The following SLC67A2 variants were observed in gnomAD, a reference collection of about 807,000 sequenced individuals.
The protein encoded by SLC67A2 is solute carrier family 67 member 2.
the SLC67A2 span, chr2:102,715,743 G>T: frequency 6.6e-6 from 1 of 152,030 alleles, no homozygotes; most frequent in East Asian, 1.9e-4. Context: ...AGATATTTTT[G>T]ACTTACAAAA....
At chr2:102,727,931 G>A in the SLC67A2 span, among the ~76,000 whole-genome samples, 1 of 152,158 alleles carries the variant, frequency 6.6e-6, no homozygotes, top group Non-Finnish European at 1.5e-5. Context: ...TGTACTATTT[G>A]CATTTTCTCT....
the SLC67A2 span, chr2:102,736,860 G>A: frequency 6.5e-7 from 1 of 1,545,034 alleles, no homozygotes; most frequent in Non-Finnish European, 8.7e-7. Flanking sequence ...GACCTACCCC[G>A]GGAGCCCAGC....
At chr2:102,734,320 G>C in the SLC67A2 span, among the ~76,000 whole-genome samples, 1 of 152,154 alleles carries the variant, frequency 6.6e-6, no homozygotes, top group African/African-American at 2.4e-5. Context: ...GAGGAAAAAA[G>C]TGGTTGAAAT....
At chr2:102,718,159 A>T in the SLC67A2 span, 4 of 451,966 alleles carry the variant, frequency 8.9e-6, no homozygotes, top group African/African-American at 8.0e-5. Context: ...TGGGAAGAAG[A>T]GACTTCCAGG....
At chr2:102,718,713 C>A in the SLC67A2 span, 4 of 1,613,922 alleles carry the variant, frequency 2.5e-6, no homozygotes, top group Non-Finnish European at 3.4e-6. Context: ...GAGGAGAGGA[C>A]AACTGCACCC....
At chr2:102,718,508 G>A in the SLC67A2 span, 1 of 1,614,020 alleles carries the variant, frequency 6.2e-7, no homozygotes, top group Non-Finnish European at 8.5e-7. Context: ...GGCTAACACA[G>A]CGCCCAGGCT....
chr2:102,723,603 T>C, the SLC67A2 span: 1 of 1,229,270 alleles, frequency 8.1e-7, no homozygotes, highest in East Asian at 2.5e-5. Context: ...TGAGTCTGTC[T>C]ATTCTGATAA....
the SLC67A2 span, among the ~76,000 whole-genome samples, chr2:102,714,843 G>A: frequency 6.6e-6 from 1 of 152,172 alleles, no homozygotes; most frequent in Non-Finnish European, 1.5e-5. Context: ...TCAGTCTCAT[G>A]GCTTTTATTA....
chr2:102,724,226 G>A, the SLC67A2 span, among the ~76,000 whole-genome samples: 1 of 152,014 alleles, frequency 6.6e-6, no homozygotes, highest in Admixed American at 6.6e-5. Context: ...GTGCCTCCCA[G>A]TTACGCTTGC....
the SLC67A2 span, chr2:102,732,258 C>T: frequency 3.0e-6 from 4 of 1,313,584 alleles, no homozygotes; most frequent in East Asian, 9.2e-5. Flanking sequence ...GAATTGTTTT[C>T]AGGTACTTGG....
At chr2:102,730,298 C>T in the SLC67A2 span, among the ~76,000 whole-genome samples, 1 of 152,182 alleles carries the variant, frequency 6.6e-6, no homozygotes, top group Non-Finnish European at 1.5e-5. Flanking sequence ...GATCCTCCAA[C>T]CTTAGCCTCC....
chr2:102,724,778 G>C, the SLC67A2 span, among the ~76,000 whole-genome samples: 1 of 152,230 alleles, frequency 6.6e-6, no homozygotes, highest in African/African-American at 2.4e-5. Flanking sequence ...CTGCCGCCGA[G>C]TGCTTCAACA....
chr2:102,726,759 T>G, the SLC67A2 span: 16 of 1,478,672 alleles, frequency 1.1e-5, no homozygotes, highest in Admixed American at 2.4e-5. Flanking sequence ...ACCACAGAGG[T>G]GGCCCAGGAG....
At chr2:102,728,435 C>A in the SLC67A2 span, among the ~76,000 whole-genome samples, 1 of 152,188 alleles carries the variant, frequency 6.6e-6, no homozygotes, top group East Asian at 1.9e-4. Context: ...CATGCCCTCT[C>A]CCCATTTTTA....
chr2:102,723,840 G>A, the SLC67A2 span: 12 of 1,614,150 alleles, frequency 7.4e-6, no homozygotes, highest in Middle Eastern at 1.6e-4. Flanking sequence ...GATTACAAGC[G>A]GCCGTTCCTT....
chr2:102,736,867 C>G, the SLC67A2 span: 1 of 1,505,814 alleles, frequency 6.6e-7, no homozygotes, highest in Non-Finnish European at 8.8e-7. Flanking sequence ...CCCGGGAGCC[C>G]AGCCCCGCCC....
the SLC67A2 span, among the ~76,000 whole-genome samples, chr2:102,735,110 T>C: frequency 7.9e-4 from 120 of 152,292 alleles, 1 homozygote; most frequent in East Asian, 0.017. Context: ...TTGTGAATTC[T>C]AGGTGCCTAG....
the SLC67A2 span, chr2:102,718,897 C>T: frequency 1.9e-6 from 3 of 1,614,090 alleles, no homozygotes; most frequent in Non-Finnish European, 2.5e-6. Flanking sequence ...CCTTGGGCCG[C>T]ACCCCAAAGC....
At chr2:102,725,345 T>C in the SLC67A2 span, among the ~76,000 whole-genome samples, 18 of 152,336 alleles carry the variant, frequency 1.2e-4, no homozygotes, top group Non-Finnish European at 2.4e-4. Context: ...GTGAAGATCA[T>C]AGTGACGGTT....
Sources: allele counts gnomAD v4.1 joint callset (sites outside exome capture counted in the v4.1 genomes callset), GRCh38; gene constraint gnomAD v4.1.1; transcripts MANE v1.5; gene names NCBI Gene and HGNC (gene_info 2026-07-23, HGNC 2026-07-21).